Variants in PRDM5 observed in about 807,000 individuals in gnomAD.
The protein encoded by PRDM5 is PR/SET domain 5, also known as PR domain zinc finger protein 5.
PRDM5 carries 56 observed loss-of-function variants against 81.2 expected under a neutral mutation model. The observed-to-expected ratio is 0.69, with a 90% confidence interval of 0.56 to 0.86. PRDM5 has a LOEUF of 0.86. PRDM5 is among the 40% of genes least tolerant of loss of function. The pLI is 0.00. For missense variants in PRDM5, 697 were observed against 770.1 expected (o/e 0.91, Z 1.12); for synonymous variants, 267 against 256.4 (o/e 1.04, Z -0.39).
intron 1 of PRDM5, among the ~76,000 whole-genome samples, chr4:120,911,428 G>A (rs187766739): frequency 1.1e-4 from 16 of 152,314 alleles, no homozygotes; most frequent in Admixed American, 3.3e-4. Flanking sequence ...CCAATGTCCA[G>A]CCCATAATGG....
intron 2 of PRDM5, among the ~76,000 whole-genome samples, chr4:120,884,487 C>T (rs1247923628): frequency 6.6e-6 from 1 of 152,090 alleles, no homozygotes; most frequent in Non-Finnish European, 1.5e-5. Context: ...TTCTATGCTC[C>T]CCAATCAAAA....
intron 15 of PRDM5, among the ~76,000 whole-genome samples, chr4:120,705,662 G>A (rs1393483188): frequency 6.6e-6 from 1 of 152,096 alleles, no homozygotes; most frequent in Non-Finnish European, 1.5e-5. Context: ...GATAAAACTG[G>A]TTTTCACTCT....
intron 14 of PRDM5, among the ~76,000 whole-genome samples, chr4:120,753,817 T>C (rs1259759283): frequency 2.0e-5 from 3 of 152,136 alleles, no homozygotes; most frequent in African/African-American, 7.2e-5. Context: ...AAATCAACAA[T>C]AGCTATTTAA....
At chr4:120,716,904 C>G (rs906862400) in intron 14 of PRDM5, among the ~76,000 whole-genome samples, 2 of 152,024 alleles carry the variant, frequency 1.3e-5, no homozygotes, top group African/African-American at 4.8e-5. Flanking sequence ...CACATAGACC[C>G]TCCCTTACTA....
intron 8 of PRDM5, among the ~76,000 whole-genome samples, chr4:120,804,207 C>A (rs1463872091): frequency 6.6e-6 from 1 of 152,182 alleles, no homozygotes; most frequent in African/African-American, 2.4e-5. Flanking sequence ...AAAGCAAGTT[C>A]TTAGAGACCT....
chr4:120,691,912 GT>G (rs1734074722), downstream of PRDM5: 1 of 151,806 alleles, frequency 6.6e-6, no homozygotes, highest in Admixed American at 6.6e-5. Flanking sequence ...CTAACACCAA[GT>G]CTGGTAGTGA....
chr4:120,827,127 C>T (rs1252614662), intron 3 of PRDM5, among the ~76,000 whole-genome samples: 2 of 152,116 alleles, frequency 1.3e-5, no homozygotes, highest in Non-Finnish European at 2.9e-5. Flanking sequence ...GCCCTTCCTT[C>T]GGACAACGAA....
intron 15 of PRDM5, among the ~76,000 whole-genome samples, chr4:120,709,902 T>G (rs1302140581): frequency 1.3e-5 from 2 of 152,186 alleles, no homozygotes; most frequent in Non-Finnish European, 2.9e-5. Flanking sequence ...ATTTTGTACA[T>G]GCTTGGCTTT....
intron 14 of PRDM5, among the ~76,000 whole-genome samples, chr4:120,729,934 C>T (rs941905148): frequency 1.3e-5 from 2 of 152,156 alleles, no homozygotes; most frequent in African/African-American, 2.4e-5. Context: ...TGAGGGAGTC[C>T]GGTAGACCCA....
chr4:120,872,940 C>A (rs1761982957), intron 2 of PRDM5, among the ~76,000 whole-genome samples: 1 of 152,090 alleles, frequency 6.6e-6, no homozygotes, highest in Non-Finnish European at 1.5e-5. Context: ...CTGAACTCTA[C>A]ACTTAAAGTG....
intron 15 of PRDM5, among the ~76,000 whole-genome samples, chr4:120,699,752 A>T (rs1315716204): frequency 1.3e-5 from 2 of 152,168 alleles, no homozygotes; most frequent in Non-Finnish European, 2.9e-5. Flanking sequence ...AGACACTGCT[A>T]AAAGAAATCA....
chr4:120,695,243 C>A lies in PRDM5; in HGVS notation c.1761G>T (p.Met587Ile), dbSNP rs770780180. The change falls in exon 16 of 16, where the codon ATG becomes ATT. Residue 587 changes from methionine (M) to isoleucine (I), a missense_variant. Met to Ile is a conservative substitution (Grantham distance 10). This residue lies in a region of PRDM5 where 86 missense variants were observed against 135.2 expected (regional missense o/e 0.64). Coordinates refer to ENST00000264808, the MANE Select transcript of PRDM5 (RefSeq NM_018699.4). Reference protein sequence around the residue: ...VCDLAFSLKKMLIRHKMTHNP... With the variant: ...VCDLAFSLKKILIRHKMTHNP... Reference sequence around the variant, plus strand: ...TATGAGTCATCTTGTGTCGAATCAGCATTTTCTTCAGGCTAAAAGCCAAAT... The same window carrying A: ...TATGAGTCATCTTGTGTCGAATCAGAATTTTCTTCAGGCTAAAAGCCAAAT... 3 of 1,613,390 alleles carry A rather than the reference C, an allele frequency of 1.9e-6. No homozygotes were observed. The highest frequency in any genetic ancestry group is 2.7e-5 in the African/African-American group (2 of 74,896).
intron 14 of PRDM5, among the ~76,000 whole-genome samples, chr4:120,735,730 G>C (rs550420574): frequency 6.6e-6 from 1 of 152,146 alleles, no homozygotes; most frequent in African/African-American, 2.4e-5. Context: ...ACGATGACTG[G>C]GGGCATCGTC....
At chr4:120,847,172 A>G (rs906908407) in intron 3 of PRDM5, among the ~76,000 whole-genome samples, 1 of 152,018 alleles carries the variant, frequency 6.6e-6, no homozygotes, top group Non-Finnish European at 1.5e-5. Flanking sequence ...GGATGTCTCG[A>G]CTTCTGGTAT....
chr4:120,716,657 A>T (rs1298456130), intron 14 of PRDM5, among the ~76,000 whole-genome samples: 3 of 152,220 alleles, frequency 2.0e-5, no homozygotes, highest in Non-Finnish European at 4.4e-5. Flanking sequence ...GGCAGATACT[A>T]GTCAGACTGT....
intron 2 of PRDM5, among the ~76,000 whole-genome samples, chr4:120,867,715 C>T (rs1761346376): frequency 1.3e-5 from 2 of 152,176 alleles, no homozygotes; most frequent in African/African-American, 4.8e-5. Context: ...GGGCTTTCCC[C>T]AAGGGAGTGT....
chr4:120,851,676 T>C (rs556520603), intron 3 of PRDM5, among the ~76,000 whole-genome samples: 1 of 152,214 alleles, frequency 6.6e-6, no homozygotes, highest in African/African-American at 2.4e-5. Context: ...CTGAAAAAAA[T>C]TGTTTAGATG....
intron 13 of PRDM5, among the ~76,000 whole-genome samples, chr4:120,758,836 AG>A: frequency 6.6e-6 from 1 of 151,998 alleles, no homozygotes; most frequent in East Asian, 1.9e-4. Context: ...ACTCACTGCA[AG>A]CCCTGCCTCC....
At chr4:120,858,413 C>A (rs1446219175) in intron 2 of PRDM5, among the ~76,000 whole-genome samples, 1 of 152,076 alleles carries the variant, frequency 6.6e-6, no homozygotes, top group African/African-American at 2.4e-5. Context: ...CAGATTTAAA[C>A]CAAAGGGAGA....
Sources: gnomAD v4.1 joint callset for allele counts (sites outside exome capture counted in the v4.1 genomes callset) on GRCh38, gnomAD v4.1.1 for gene constraint, gnomAD v4.1.1 regional missense constraint, MANE v1.5 for transcripts, NCBI Gene and HGNC (gene_info 2026-07-23, HGNC 2026-07-21) for gene names.